Variants in UBXN8 observed in about 807,000 individuals in gnomAD.
UBXN8 encodes the protein UBX domain protein 8.
UBXN8 carries 27 observed loss-of-function variants against 32.1 expected under a neutral mutation model. The ratio of observed to expected loss-of-function variants is 0.84; its 90% CI spans 0.62 to 1.16. UBXN8 has a LOEUF of 1.16. UBXN8 is among the 50% of genes most tolerant of loss of function. The pLI is 0.00. For synonymous variants in UBXN8, 109 were observed against 111.8 expected (o/e 0.98, Z 0.16); for missense variants, 306 against 311.4 (o/e 0.98, Z 0.13).
rs1806020783 is a variant in UBXN8 at position 30,766,766 on chromosome 8, A to G, written c.*372A>G. The G allele has an allele frequency of 6.5e-6, 1 of 154,450 alleles. No homozygotes were observed. The highest frequency in any genetic ancestry group is 1.4e-5 in the Non-Finnish European group (1 of 69,470). The allele number at this position is 154,450 out of a possible 1,614,324, so 9.6% of individuals were successfully genotyped here. A position where few individuals can be genotyped will look rare whatever the true frequency, so the allele number is the denominator to read the frequency against. On this transcript the variant is annotated 3_prime_UTR_variant, in exon 8 of 8. Coordinates refer to ENST00000265616, the MANE Select transcript of UBXN8 (RefSeq NM_005671.4). The stretch of plus-strand genomic sequence containing the variant: ...AATATTTCATGATTCAAATTCTTCA[A>G]AGTCTTATACGCAGGAATGTTTATT...
At chr8:30,731,013 G>A (rs999730873), upstream of UBXN8, among the ~76,000 whole-genome samples, 3 of 152,244 alleles carry the variant, frequency 2.0e-5, no homozygotes, top group African/African-American at 7.2e-5. Flanking sequence ...CCCACAAAAA[G>A]GCAAGGGAAG....
chr8:30,734,608 A>G (rs940564188), intron 1 of UBXN8, among the ~76,000 whole-genome samples: 1 of 151,620 alleles, frequency 6.6e-6, no homozygotes, highest in African/African-American at 2.4e-5. Flanking sequence ...TGACAGAATG[A>G]GACACTATCT....
rs1463922523 is a variant in UBXN8 at position 30,756,753 on chromosome 8, G to A, written c.406-12G>A. On this transcript the variant is annotated splice_polypyrimidine_tract_variant and intron_variant, in intron 4 of 7. Coordinates refer to ENST00000265616, the MANE Select transcript of UBXN8 (RefSeq NM_005671.4). ...AACATCTCTTTAGAAATTGTCTGTT[G>A]TGTTTGACCAGGGTGATGAAGGTAC... 2 of 1,613,786 alleles carry A rather than the reference G, an allele frequency of 1.2e-6. No individual in the cohort carries two copies. Among genetic ancestry groups the A allele is most frequent in the Admixed American group, 3.3e-5 (2 of 59,964 alleles).
intron 6 of UBXN8, among the ~76,000 whole-genome samples, chr8:30,762,949 G>A (rs1805895388): frequency 6.6e-6 from 1 of 151,808 alleles, no homozygotes; most frequent in Admixed American, 6.6e-5. Flanking sequence ...GCTTACTGTT[G>A]CCTCAGATTC....
intron 1 of UBXN8, among the ~76,000 whole-genome samples, chr8:30,749,156 G>A (rs1409314475): frequency 6.6e-6 from 1 of 152,030 alleles, no homozygotes; most frequent in East Asian, 1.9e-4. Context: ...CACTTTGGGA[G>A]GCTGAGGCCA....
At position 30,758,884 on chromosome 8, in the gene UBXN8, TG is replaced by T. The variant is rs1563564584; in HGVS notation, c.528+1998del. ...ATTGGTAACAAATGTTTTTTTTGTT[TG>T]TTTTTTTTGTTTTTTTTTTTTTTTT... is the stretch of plus-strand genomic sequence containing the variant. On this transcript the variant is annotated intron_variant, in intron 5 of 7. Coordinates refer to ENST00000265616, the MANE Select transcript of UBXN8 (RefSeq NM_005671.4). Among the ~76,000 whole-genome samples, 31 of 137,118 alleles carry T rather than the reference TG, an allele frequency of 2.3e-4. 1 individual carries two copies. Among genetic ancestry groups the T allele is most frequent in the African/African-American group, 6.0e-4 (21 of 35,096 alleles). The allele number at this position is 137,118 out of a possible 152,430, so 90.0% of individuals were successfully genotyped here.
chr8:30,738,172 T>C (rs1183955944), intron 1 of UBXN8, among the ~76,000 whole-genome samples: 3 of 150,952 alleles, frequency 2.0e-5, no homozygotes, highest in Admixed American at 6.6e-5. Flanking sequence ...AAAGCAATAA[T>C]CATAAAAGAA....
intron 3 of UBXN8, among the ~76,000 whole-genome samples, chr8:30,753,403 C>G (rs748588916): frequency 1.3e-5 from 2 of 152,000 alleles, no homozygotes; most frequent in African/African-American, 4.8e-5. Context: ...ATTACAGGTG[C>G]GCACCACCAC....
chr8:30,729,447 T>C (rs1418880052), upstream of UBXN8, among the ~76,000 whole-genome samples: 1 of 152,246 alleles, frequency 6.6e-6, no homozygotes, highest in Admixed American at 6.5e-5. Context: ...GTTTTTGACT[T>C]GACTTGAATT....
chr8:30,737,887 T>C (rs929932395), intron 1 of UBXN8, among the ~76,000 whole-genome samples: 4 of 152,172 alleles, frequency 2.6e-5, no homozygotes, highest in African/African-American at 9.7e-5. Context: ...CATCTTATTT[T>C]TTAGGGGGGA....
chr8:30,732,373 A>G, upstream of UBXN8: 1 of 396,098 alleles, frequency 2.5e-6, no homozygotes, highest in Non-Finnish European at 4.4e-6. Flanking sequence ...AACAGCAGGT[A>G]CGTTACTTGG....
At chr8:30,751,365 A>G (rs1208157030) in intron 1 of UBXN8, 31 bp from the exon 2 acceptor site, 1 of 1,539,536 alleles carries the variant, frequency 6.5e-7, no homozygotes, top group Non-Finnish European at 8.8e-7. Context: ...AAAAGTTTTG[A>G]ATTTTAATTT....
chr8:30,737,165 C>T (rs1158111049), intron 1 of UBXN8, among the ~76,000 whole-genome samples: 1 of 152,146 alleles, frequency 6.6e-6, no homozygotes, highest in African/African-American at 2.4e-5. Context: ...TCTGTGGATT[C>T]CATCAACTCT....
chr8:30,732,431 G>A (rs1182950925), upstream of UBXN8: 3 of 386,258 alleles, frequency 7.8e-6, no homozygotes, highest in Non-Finnish European at 1.4e-5. Flanking sequence ...AAAGAAAGCA[G>A]GTCATTTGTA....
chr8:30,740,665 C>A (rs144611560), upstream of UBXN8, among the ~76,000 whole-genome samples: 348 of 151,612 alleles, frequency 2.3e-3, 1 homozygote, highest in African/African-American at 7.7e-3. Context: ...TTCCAGGCTG[C>A]AGTGAGCTAT....
chr8:30,754,393 C>A, intron 3 of UBXN8: 2 of 540,118 alleles, frequency 3.7e-6, no homozygotes, highest in South Asian at 3.1e-5. Context: ...TAGATCCTCC[C>A]ATTCTCTCAG....
At chr8:30,765,471 G>T (rs974229335) in intron 7 of UBXN8, among the ~76,000 whole-genome samples, 1 of 150,694 alleles carries the variant, frequency 6.6e-6, no homozygotes, top group Non-Finnish European at 1.5e-5. Flanking sequence ...ACTGGGTTTC[G>T]CCATCTTACC....
chr8:30,738,783 C>G (rs1002348770), intron 1 of UBXN8, among the ~76,000 whole-genome samples: 1 of 149,310 alleles, frequency 6.7e-6, no homozygotes, highest in African/African-American at 2.5e-5. Flanking sequence ...GGTGAAACCT[C>G]GTATCTACTA....
chr8:30,758,294 A>T (rs1372569558), intron 5 of UBXN8, among the ~76,000 whole-genome samples: 1 of 152,240 alleles, frequency 6.6e-6, no homozygotes, highest in African/African-American at 2.4e-5. Context: ...AACATTATCA[A>T]GCCCTATCTT....
Sources: allele counts gnomAD v4.1 joint callset (sites outside exome capture counted in the v4.1 genomes callset), GRCh38; gene constraint gnomAD v4.1.1; transcripts MANE v1.5; gene names NCBI Gene and HGNC (gene_info 2026-07-23, HGNC 2026-07-21).